Variants in TNFSF4 observed in about 807,000 individuals in gnomAD.
The protein encoded by TNFSF4 is TNF superfamily member 4, also known as tumor necrosis factor ligand superfamily member 4.
A neutral mutation model predicts 7.3 loss-of-function variants in TNFSF4; 4 were observed. The ratio of observed to expected loss-of-function variants is 0.55; its 90% CI spans 0.27 to 1.25. The LOEUF is 1.25. TNFSF4 is among the 50% of genes most tolerant of loss of function. The pLI is 0.12. For synonymous variants in TNFSF4, 76 were observed against 83.7 expected (o/e 0.91, Z 0.50); for missense variants, 181 against 208.8 (o/e 0.87, Z 0.82).
At chr1:173,248,720 T>G in the TNFSF4 span, among the ~76,000 whole-genome samples, 2 of 152,210 alleles carry the variant, frequency 1.3e-5, no homozygotes, top group African/African-American at 4.8e-5. Context: ...TAAGTCATGT[T>G]ACAAATTTGG....
chr1:173,448,825 CA>C, the TNFSF4 span, among the ~76,000 whole-genome samples: 8 of 152,220 alleles, frequency 5.3e-5, no homozygotes, highest in Non-Finnish European at 8.8e-5. Context: ...GTGCAAGTCA[CA>C]GGGGATGCGA....
the TNFSF4 span, among the ~76,000 whole-genome samples, chr1:173,228,658 C>T: frequency 2.6e-5 from 4 of 152,116 alleles, no homozygotes; most frequent in Non-Finnish European, 5.9e-5. Flanking sequence ...TTGAACCCAT[C>T]GCAAAGAAGC....
At chr1:173,202,846 C>G (rs770034218) in intron 1 of TNFSF4, among the ~76,000 whole-genome samples, 9 of 152,108 alleles carry the variant, frequency 5.9e-5, no homozygotes, top group African/African-American at 9.7e-5. Flanking sequence ...CCCTACCCAC[C>G]AATTCCCATC....
At chr1:173,174,010 A>T in the TNFSF4 span, among the ~76,000 whole-genome samples, 34 of 152,360 alleles carry the variant, frequency 2.2e-4, no homozygotes, top group East Asian at 6.2e-3. Flanking sequence ...GTCCGGCTGC[A>T]AATTTTTCAA....
At chr1:173,299,068 A>C in the TNFSF4 span, among the ~76,000 whole-genome samples, 150,623 of 151,992 alleles carry the variant, frequency 0.99, 74,641 homozygotes, top group East Asian at 1. Context: ...AATTGTTGGG[A>C]TATGATGTCC....
chr1:173,440,118 T>G, the TNFSF4 span, among the ~76,000 whole-genome samples: 1 of 152,202 alleles, frequency 6.6e-6, no homozygotes. Context: ...TAGGGCCTGG[T>G]TGGAGCTAAC....
At chr1:173,221,443 G>C in the TNFSF4 span, among the ~76,000 whole-genome samples, 1 of 152,152 alleles carries the variant, frequency 6.6e-6, no homozygotes, top group Admixed American at 6.5e-5. Flanking sequence ...TGACTTCTAG[G>C]CCATGGCAAA....
chr1:173,383,909 G>C, the TNFSF4 span, among the ~76,000 whole-genome samples: 1 of 152,312 alleles, frequency 6.6e-6, no homozygotes, highest in East Asian at 1.9e-4. Context: ...AGGATTTAAT[G>C]AGGTGATATT....
chr1:173,265,131 G>A, the TNFSF4 span, among the ~76,000 whole-genome samples: 2 of 152,184 alleles, frequency 1.3e-5, no homozygotes, highest in African/African-American at 4.8e-5. Context: ...CCCCGCAGAA[G>A]TTTTTACTCC....
chr1:173,271,271 T>C, the TNFSF4 span, among the ~76,000 whole-genome samples: 2 of 152,210 alleles, frequency 1.3e-5, no homozygotes, highest in African/African-American at 2.4e-5. Context: ...AGGGTTTTTA[T>C]GGTTTTAGGT....
the TNFSF4 span, among the ~76,000 whole-genome samples, chr1:173,236,611 G>A: frequency 1.3e-5 from 2 of 152,096 alleles, no homozygotes; most frequent in East Asian, 1.9e-4. Context: ...ATGAATGGAT[G>A]GAGAAAATAT....
chr1:173,209,234 A>G (rs1044131173), upstream of TNFSF4, among the ~76,000 whole-genome samples: 37 of 152,220 alleles, frequency 2.4e-4, no homozygotes, highest in African/African-American at 8.9e-4. Context: ...AGCTCTTCAC[A>G]TTCTTTGTGG....
At chr1:173,195,988 G>A (rs184464683) in intron 1 of TNFSF4, among the ~76,000 whole-genome samples, 1 of 152,216 alleles carries the variant, frequency 6.6e-6, no homozygotes, top group Non-Finnish European at 1.5e-5. Context: ...GAGAGATCAT[G>A]AAAGCATGAC....
chr1:173,235,601 T>C, the TNFSF4 span, among the ~76,000 whole-genome samples: 1 of 152,244 alleles, frequency 6.6e-6, no homozygotes, highest in East Asian at 1.9e-4. Flanking sequence ...ATACTACGCA[T>C]GTGTTAAGGG....
At chr1:173,180,065 T>C (rs1215894642), downstream of TNFSF4, among the ~76,000 whole-genome samples, 1 of 152,216 alleles carries the variant, frequency 6.6e-6, no homozygotes, top group Non-Finnish European at 1.5e-5. Context: ...CATTCTGATT[T>C]TTTCTTTCAA....
chr1:173,330,946 G>A, the TNFSF4 span, among the ~76,000 whole-genome samples: 10 of 149,358 alleles, frequency 6.7e-5, no homozygotes, highest in South Asian at 2.1e-4. Flanking sequence ...GTGCAATGGC[G>A]CGATCTCGGC....
chr1:173,388,321 T>A, the TNFSF4 span, among the ~76,000 whole-genome samples: 1 of 152,260 alleles, frequency 6.6e-6, no homozygotes, highest in Non-Finnish European at 1.5e-5. Flanking sequence ...TATATGCATA[T>A]GCATGTTATG....
At chr1:173,394,959 C>T in the TNFSF4 span, among the ~76,000 whole-genome samples, 7,813 of 147,642 alleles carry the variant, frequency 0.053, 695 homozygotes, top group African/African-American at 0.18. Flanking sequence ...GACAGACAGA[C>T]AGACAGACAG....
At chr1:173,429,594 C>T in the TNFSF4 span, among the ~76,000 whole-genome samples, 1 of 152,220 alleles carries the variant, frequency 6.6e-6, no homozygotes, top group African/African-American at 2.4e-5. Context: ...GCACAGGCTA[C>T]GCCACAACCT....
Sources: allele counts gnomAD v4.1 joint callset (sites outside exome capture counted in the v4.1 genomes callset), GRCh38; gene constraint gnomAD v4.1.1; transcripts MANE v1.5; gene names NCBI Gene and HGNC (gene_info 2026-07-23, HGNC 2026-07-21).